GLRA3: variants seen among roughly 807,000 people sequenced by gnomAD.
GLRA3 encodes glycine receptor alpha 3.
In GLRA3, 44 loss-of-function variants were observed where a neutral mutation model predicts 60.4. The ratio of observed to expected loss-of-function variants is 0.73; its 90% confidence interval spans 0.57 to 0.94. The LOEUF is 0.94. GLRA3 is among the 40% of genes least tolerant of loss of function. The pLI is 0.00. For missense variants in GLRA3, 508 were observed against 564.6 expected (o/e 0.90, Z 1.02); for synonymous variants, 223 against 192.9 (o/e 1.16, Z -1.29).
At chr4:174,779,653 C>T (rs1478598349) in intron 2 of GLRA3, among the ~76,000 whole-genome samples, 1 of 152,124 alleles carries the variant, frequency 6.6e-6, no homozygotes, top group South Asian at 2.1e-4. Flanking sequence ...GGCTCGAGAA[C>T]TACATGAAGA....
chr4:174,667,593 C>A (rs138936646), intron 7 of GLRA3, among the ~76,000 whole-genome samples: 1 of 152,158 alleles, frequency 6.6e-6, no homozygotes, highest in African/African-American at 2.4e-5. Context: ...AAAGTAGAGT[C>A]CAGGTAGTGC....
At chr4:174,775,483 T>C (rs1260077210) in intron 2 of GLRA3, among the ~76,000 whole-genome samples, 1 of 152,138 alleles carries the variant, frequency 6.6e-6, no homozygotes, top group South Asian at 2.1e-4. Flanking sequence ...ACAAAAGTTA[T>C]ATCTACATAC....
chr4:174,666,739 AATATAT>A lies in GLRA3; in HGVS notation c.928-7548_928-7543del, dbSNP rs1206177926. On this transcript the variant is annotated intron_variant, in intron 7 of 9. Transcript: ENST00000274093. Reference sequence around the variant, plus strand: ...GCCTGCCTCTTGCATCTCAAATAAGAATATATATATATATATATATTATATATATAT... The same window carrying A: ...GCCTGCCTCTTGCATCTCAAATAAGAATATATATATATATTATATATATAT... Among the ~76,000 whole-genome samples, 250 of 134,158 alleles carry A rather than the reference AATATAT, an allele frequency of 1.9e-3. 1 individual carries two copies. Among genetic ancestry groups the A allele is most frequent in the African/African-American group, 6.3e-3 (233 of 36,934 alleles). 88.0% of individuals were successfully genotyped at this position (134,158 alleles called of 152,430 possible).
intron 2 of GLRA3, among the ~76,000 whole-genome samples, chr4:174,778,553 C>T (rs1738707272): frequency 6.6e-6 from 1 of 152,130 alleles, no homozygotes; most frequent in Non-Finnish European, 1.5e-5. Flanking sequence ...TCTGCATTTC[C>T]ACCTGAGGTA....
At chr4:174,695,601 A>G (rs1579460529) in intron 5 of GLRA3, among the ~76,000 whole-genome samples, 2 of 152,082 alleles carry the variant, frequency 1.3e-5, no homozygotes, top group Non-Finnish European at 1.5e-5. Context: ...AAGTAATAGG[A>G]CCCATCTCTG....
chr4:174,718,065 T>C (rs1403489438), intron 4 of GLRA3, among the ~76,000 whole-genome samples: 2 of 152,200 alleles, frequency 1.3e-5, no homozygotes, highest in African/African-American at 4.8e-5. Flanking sequence ...TGAAAGGAAT[T>C]ATTTGGCAAA....
intron 5 of GLRA3, among the ~76,000 whole-genome samples, chr4:174,697,898 C>G (rs1735126297): frequency 6.6e-6 from 1 of 152,126 alleles, no homozygotes; most frequent in African/African-American, 2.4e-5. Context: ...TGAGGAAAGG[C>G]ATCGTGGTTG....
chr4:174,827,603 A>G (rs918873047), intron 1 of GLRA3, among the ~76,000 whole-genome samples: 10 of 151,936 alleles, frequency 6.6e-5, no homozygotes, highest in South Asian at 2.1e-4. Flanking sequence ...GATGATTTTT[A>G]TTGAAAATAC....
In GLRA3 at chr4:174,643,137, A is replaced by G; in HGVS notation, c.*649T>C. The G allele has an allele frequency of 1.1e-6, 1 of 875,954 alleles. No individual in the cohort carries two copies. Among genetic ancestry groups the G allele is most frequent in the Non-Finnish European group, 1.4e-6 (1 of 730,972 alleles). The allele number at this position is 875,954 out of a possible 1,614,324, so 54.3% of individuals were successfully genotyped here. On this transcript the variant is annotated 3_prime_UTR_variant, in exon 10 of 10. Transcript: ENST00000274093. ...TTTAAGAAAAGTAGATTGTGACTGT[A>G]ACACGATCTCTTGTTATTTGTTTTA...
intron 7 of GLRA3, among the ~76,000 whole-genome samples, chr4:174,664,581 T>C (rs1436151730): frequency 1.3e-5 from 2 of 152,190 alleles, no homozygotes; most frequent in South Asian, 2.1e-4. Context: ...TTCTCAAGTT[T>C]ATCAATTTCT....
At chr4:174,708,215 T>G (rs1017005701) in intron 5 of GLRA3, among the ~76,000 whole-genome samples, 46 of 152,280 alleles carry the variant, frequency 3.0e-4, no homozygotes, top group African/African-American at 1.1e-3. Flanking sequence ...TATAAAATAA[T>G]TGCAAAAAAT....
intron 7 of GLRA3, among the ~76,000 whole-genome samples, chr4:174,665,602 G>A (rs1416421003): frequency 1.3e-5 from 2 of 152,086 alleles, no homozygotes; most frequent in Admixed American, 1.3e-4. Flanking sequence ...AAGATGAGAT[G>A]TCTATCCTAA....
At chr4:174,793,288 A>G (rs1346301864) in intron 1 of GLRA3, among the ~76,000 whole-genome samples, 3 of 152,044 alleles carry the variant, frequency 2.0e-5, no homozygotes, top group East Asian at 3.9e-4. Flanking sequence ...TCACAGCTCC[A>G]TTCTGGAGCT....
intron 4 of GLRA3, among the ~76,000 whole-genome samples, chr4:174,719,125 G>A (rs1186323025): frequency 2.0e-5 from 3 of 151,504 alleles, no homozygotes; most frequent in African/African-American, 4.8e-5. Flanking sequence ...CACCTCGCCC[G>A]GCTAATTTTT....
At chr4:174,692,202 C>A in intron 5 of GLRA3, among the ~76,000 whole-genome samples, 1 of 151,350 alleles carries the variant, frequency 6.6e-6, no homozygotes, top group Admixed American at 6.6e-5. Context: ...CCAGCAGCCA[C>A]CCCGTCCGGG....
At chr4:174,690,183 C>T (rs1253719767) in intron 5 of GLRA3, among the ~76,000 whole-genome samples, 1 of 152,040 alleles carries the variant, frequency 6.6e-6, no homozygotes, top group Non-Finnish European at 1.5e-5. Flanking sequence ...AACACTATAA[C>T]TTTATTTGTA....
chr4:174,679,253 C>T (rs1734245846), intron 6 of GLRA3, among the ~76,000 whole-genome samples: 1 of 151,986 alleles, frequency 6.6e-6, no homozygotes, highest in Non-Finnish European at 1.5e-5. Context: ...ATGGTGTGAA[C>T]CTGCTTGCAG....
intron 9 of GLRA3, among the ~76,000 whole-genome samples, chr4:174,644,293 G>T (rs1423033276): frequency 6.6e-6 from 1 of 151,302 alleles, no homozygotes; most frequent in Non-Finnish European, 1.5e-5. Flanking sequence ...ATCCCAAAGG[G>T]TATGTTTTAA....
intron 1 of GLRA3, among the ~76,000 whole-genome samples, chr4:174,828,414 C>A (rs533230874): frequency 1.3e-5 from 2 of 152,064 alleles, no homozygotes; most frequent in South Asian, 4.2e-4. Context: ...AAGAGTAACA[C>A]CCAAATTATA....
Sources: gnomAD v4.1 joint callset for allele counts (sites outside exome capture counted in the v4.1 genomes callset) on GRCh38, gnomAD v4.1.1 for gene constraint, MANE v1.5 for transcripts, NCBI Gene and HGNC (gene_info 2026-07-23, HGNC 2026-07-21) for gene names.